Variants in SLC1A2 observed in about 807,000 individuals in gnomAD.
SLC1A2 encodes solute carrier family 1 member 2, also known as excitatory amino acid transporter 2.
Under a neutral mutation model 48.8 loss-of-function variants are expected in SLC1A2, and 15 were observed. That is an observed-to-expected ratio of 0.31 (90% CI 0.21 to 0.47). The LOEUF (loss-of-function observed/expected upper bound fraction) is 0.47. Ranked by LOEUF, SLC1A2 falls within the 20% of genes least tolerant of loss-of-function variation. The pLI is 0.99. For missense variants in SLC1A2, 502 were observed against 730.5 expected (o/e 0.69, Z 3.61); for synonymous variants, 279 against 272.6 (o/e 1.02, Z -0.23).
At position 35,302,528 on chromosome 11, in the gene SLC1A2, T is replaced by C. The variant is rs530047425; in HGVS notation, c.731-883A>G. On this transcript the variant is annotated intron_variant, in intron 5 of 10. Transcript: ENST00000278379. Reference sequence around the variant, plus strand: ...GGAAAGATTTAAGGAGCTTCATCTCTGCCCTCTTCATGTCAGCATCACATT... The same window carrying C: ...GGAAAGATTTAAGGAGCTTCATCTCCGCCCTCTTCATGTCAGCATCACATT... 1.1e-3 allele frequency among the ~76,000 whole-genome samples: 169 copies of C among 152,146 alleles called. 1 individual carries two copies. Among genetic ancestry groups the C allele is most frequent in the Admixed American group, 1.6e-3 (25 of 15,274 alleles).
At chr11:35,284,157 T>A (rs1222540640) in intron 8 of SLC1A2, among the ~76,000 whole-genome samples, 1 of 147,768 alleles carries the variant, frequency 6.8e-6, no homozygotes, top group African/African-American at 2.5e-5. Context: ...GGAGGCAGTG[T>A]GTGTAATGGT....
chr11:35,297,262 C>A (rs557626220), intron 6 of SLC1A2, among the ~76,000 whole-genome samples: 18 of 152,294 alleles, frequency 1.2e-4, no homozygotes, highest in Admixed American at 2.0e-4. Context: ...TGTTTGGTCA[C>A]CCTGTGGCCT....
rs1216205905 is a variant in SLC1A2 at position 35,325,380 on chromosome 11, A to G, written c.18-7864T>C. 2.0e-5 allele frequency among the ~76,000 whole-genome samples: 3 copies of G among 152,198 alleles called. No individual in the cohort carries two copies. The East Asian group carries it at 5.8e-4, about 29-fold the overall frequency. On this transcript the variant is annotated intron_variant, in intron 1 of 10. Transcript: ENST00000278379. ...AAGGCATTTTTCACAGTTTACTTGT[A>G]TGTTTTCCCCACTAGAACATAAACA...
chr11:35,342,526 TG>T, intron 1 of SLC1A2, among the ~76,000 whole-genome samples: 2 of 140,744 alleles, frequency 1.4e-5, no homozygotes, highest in South Asian at 2.4e-4. Flanking sequence ...TTTTTTTTGT[TG>T]TTGTTGTTGT....
At chr11:35,273,417 C>T (rs189127335) in intron 9 of SLC1A2, among the ~76,000 whole-genome samples, 1 of 152,350 alleles carries the variant, frequency 6.6e-6, no homozygotes, top group East Asian at 1.9e-4. Flanking sequence ...TCCTGCTCAG[C>T]TTTCTCATTC....
intron 6 of SLC1A2, among the ~76,000 whole-genome samples, chr11:35,295,449 A>G (rs1851142040): frequency 2.6e-5 from 4 of 152,214 alleles, no homozygotes; most frequent in African/African-American, 7.2e-5. Context: ...ATAACATTCC[A>G]TGGAAAAGGA....
At chr11:35,301,736 A>G (rs1247835209) in intron 5 of SLC1A2, 91 bp from the exon 6 acceptor site, 6 of 1,184,172 alleles carry the variant, frequency 5.1e-6, no homozygotes, top group African/African-American at 1.5e-5. Flanking sequence ...GTATGGAGCC[A>G]TGTTCTCACT....
At chr11:35,303,056 A>T (rs906648089) in intron 5 of SLC1A2, among the ~76,000 whole-genome samples, 2 of 151,622 alleles carry the variant, frequency 1.3e-5, no homozygotes, top group Non-Finnish European at 2.9e-5. Flanking sequence ...TCAATTTGGC[A>T]GTCCTAATTT....
chr11:35,385,313 A>C (rs1237795013), intron 1 of SLC1A2, among the ~76,000 whole-genome samples: 2 of 152,256 alleles, frequency 1.3e-5, no homozygotes, highest in African/African-American at 4.8e-5. Flanking sequence ...AGCACATATC[A>C]GATGGTTTTT....
intron 7 of SLC1A2, chr11:35,291,976 A>T (rs1386051763): frequency 1.0e-5 from 3 of 296,730 alleles, no homozygotes; most frequent in African/African-American, 6.5e-5. Flanking sequence ...CCTTTAGAAA[A>T]CATCTAAAAC....
intron 1 of SLC1A2, among the ~76,000 whole-genome samples, chr11:35,334,271 T>C (rs1043867010): frequency 1.3e-5 from 2 of 152,206 alleles, no homozygotes; most frequent in Non-Finnish European, 2.9e-5. Context: ...TGTTTCCTGA[T>C]TTCATGTGCA....
intron 7 of SLC1A2, among the ~76,000 whole-genome samples, chr11:35,290,727 T>TG (rs11459739): frequency 6.7e-6 from 1 of 148,602 alleles, no homozygotes; most frequent in Non-Finnish European, 1.5e-5. Context: ...TTTTTTTTTT[T>TG]TCTCTTTTTC....
At chr11:35,334,003 C>T (rs1035355325) in intron 1 of SLC1A2, among the ~76,000 whole-genome samples, 1 of 152,026 alleles carries the variant, frequency 6.6e-6, no homozygotes, top group Admixed American at 6.6e-5. Context: ...AACTTCAATG[C>T]ACTTTGTTTC....
At chr11:35,303,267 T>C (rs1851405748) in intron 5 of SLC1A2, among the ~76,000 whole-genome samples, 1 of 152,214 alleles carries the variant, frequency 6.6e-6, no homozygotes, top group Admixed American at 6.5e-5. Flanking sequence ...CCAGATTGTC[T>C]AACTACCCTT....
chr11:35,344,903 C>T (rs1346444544), intron 1 of SLC1A2, among the ~76,000 whole-genome samples: 1 of 152,130 alleles, frequency 6.6e-6, no homozygotes, highest in Non-Finnish European at 1.5e-5. Context: ...TCCATCCACT[C>T]TGATTTGGAA....
At chr11:35,354,286 T>C (rs1020251360) in intron 1 of SLC1A2, among the ~76,000 whole-genome samples, 10 of 151,640 alleles carry the variant, frequency 6.6e-5, no homozygotes, top group African/African-American at 2.2e-4. Flanking sequence ...ACCCCGTGTC[T>C]ACAAAAAAAA....
Position 35,263,692 on chromosome 11 carries a change from A to AT in SLC1A2, c.1653+1834dup, listed in dbSNP as rs538775818. Among the ~76,000 whole-genome samples, 302 of 152,174 alleles carry AT rather than the reference A, an allele frequency of 2.0e-3. 2 individuals carry two copies. Among genetic ancestry groups the AT allele is most frequent in the Non-Finnish European group, 3.1e-3 (211 of 67,990 alleles). ...ATTATGAAATGTTTAAAAAATTGTGATTTTTTTGTTTTACATAATTTTTCC... is the reference window on the plus strand; with the variant it reads ...ATTATGAAATGTTTAAAAAATTGTGATTTTTTTTGTTTTACATAATTTTTCC... On this transcript the variant is annotated intron_variant, in intron 10 of 10. Transcript: ENST00000278379.
chr11:35,387,291 A>C, intron 1 of SLC1A2, among the ~76,000 whole-genome samples: 1 of 152,182 alleles, frequency 6.6e-6, no homozygotes. Context: ...AAAGTGACTC[A>C]GAGAGGGGCC....
chr11:35,332,576 GA>G (rs1412201830), intron 1 of SLC1A2, among the ~76,000 whole-genome samples: 2 of 152,220 alleles, frequency 1.3e-5, no homozygotes, highest in African/African-American at 4.8e-5. Flanking sequence ...AATTAAGACA[GA>G]GGGGTCAAAT....
Sources: allele counts gnomAD v4.1 joint callset (sites outside exome capture counted in the v4.1 genomes callset), GRCh38; gene constraint gnomAD v4.1.1; transcripts MANE v1.5; gene names NCBI Gene and HGNC (gene_info 2026-07-23, HGNC 2026-07-21).